DNAH9: variants seen among roughly 807,000 people sequenced by gnomAD.
DNAH9 encodes the protein DNAH9 variant protein.
DNAH9 carries 345 observed loss-of-function variants against 471.6 expected under a neutral mutation model. The ratio of observed to expected loss-of-function variants is 0.73; its 90% confidence interval spans 0.67 to 0.80. The LOEUF (loss-of-function observed/expected upper bound fraction) is 0.80. Among genes scored for constraint, DNAH9 ranks in the 30% least tolerant of loss-of-function variants. The pLI is 0.00. For synonymous variants in DNAH9, 2,093 were observed against 2,123.6 expected (o/e 0.99, Z 0.40); for missense variants, 5,407 against 5,609.2 (o/e 0.96, Z 1.15).
intron 41 of DNAH9, among the ~76,000 whole-genome samples, chr17:11,787,118 T>C (rs1968902098): frequency 2.6e-5 from 4 of 152,166 alleles, no homozygotes; most frequent in Admixed American, 6.5e-5. Flanking sequence ...CGAATCCGAA[T>C]TGGGTAGCCC....
chr17:11,700,692 T>G (rs1567731029), intron 23 of DNAH9, among the ~76,000 whole-genome samples: 1 of 152,168 alleles, frequency 6.6e-6, no homozygotes, highest in African/African-American at 2.4e-5. Flanking sequence ...CCCTGGGGTT[T>G]CATTCACAAT....
chr17:11,802,087 G>A (rs1205249678), intron 43 of DNAH9, among the ~76,000 whole-genome samples: 1 of 152,184 alleles, frequency 6.6e-6, no homozygotes, highest in Non-Finnish European at 1.5e-5. Context: ...CCATACATTT[G>A]TTTAAAGACA....
At chr17:11,921,773 C>T (rs577478866) in intron 61 of DNAH9, among the ~76,000 whole-genome samples, 1 of 152,230 alleles carries the variant, frequency 6.6e-6, no homozygotes, top group East Asian at 1.9e-4. Context: ...CTTTCTTCTC[C>T]GCCTCATTGT....
Position 11,817,813 on chromosome 17 carries a change from CAAAG to C in DNAH9, c.8708-4104_8708-4101del, listed in dbSNP as rs893460806. ...TTTATATGCATGTCATTAACTATCT[CAAAG>C]AATAGAAATTAAATAAGTTGGTACA... On this transcript the variant is annotated intron_variant, in intron 45 of 68. Coordinates refer to ENST00000262442, the MANE Select transcript of DNAH9 (RefSeq NM_001372.4). 5.3e-4 allele frequency among the ~76,000 whole-genome samples: 80 copies of C among 152,182 alleles called. 1 individual carries two copies. The highest frequency in any genetic ancestry group is 1.9e-3 in the African/African-American group (77 of 41,518).
intron 8 of DNAH9, among the ~76,000 whole-genome samples, chr17:11,633,549 C>T (rs534048699): frequency 1.3e-5 from 2 of 152,348 alleles, no homozygotes; most frequent in South Asian, 4.1e-4. Flanking sequence ...CGGCAGGCTC[C>T]ATTAGCCATT....
At chr17:11,745,823 A>G (rs988992301) in intron 31 of DNAH9, among the ~76,000 whole-genome samples, 1 of 152,216 alleles carries the variant, frequency 6.6e-6, no homozygotes, top group African/African-American at 2.4e-5. Context: ...AGATAAAGGC[A>G]ACATCCCAGG....
intron 31 of DNAH9, 89 bp downstream of exon 31, chr17:11,745,173 T>G: frequency 1.8e-6 from 2 of 1,114,834 alleles, no homozygotes; most frequent in Non-Finnish European, 2.6e-6. Flanking sequence ...TCCAAAGGGT[T>G]GTTTTAGATG....
chr17:11,776,711 G>T lies in DNAH9; in HGVS notation c.7553-4298G>T, dbSNP rs141856024. The stretch of plus-strand genomic sequence containing the variant: ...ATTTTCATAATAGAACGCCAACTCT[G>T]CTTCCACTCATCTGATATCTAGAGC... On this transcript the variant is annotated intron_variant, in intron 38 of 68. Coordinates refer to ENST00000262442, the MANE Select transcript of DNAH9 (RefSeq NM_001372.4). 1.2e-4 allele frequency among the ~76,000 whole-genome samples: 18 copies of T among 152,310 alleles called. No individual in the cohort carries two copies. In the East Asian group the frequency reaches 3.5e-3, roughly 29 times the overall value.
At chr17:11,929,834 G>T (rs1276889205) in intron 62 of DNAH9, 32 bp from the exon 63 acceptor site, 1 of 1,583,346 alleles carries the variant, frequency 6.3e-7, no homozygotes, top group Non-Finnish European at 8.6e-7. Context: ...GCAGATGCCT[G>T]TATTGAGGGG....
At position 11,891,899 on chromosome 17, in the gene DNAH9, G is replaced by C; in HGVS notation, c.11235G>C (p.Gly3745=). The change falls in exon 58 of 69, where the codon GGG becomes GGC. Residue 3745 remains glycine (G), a synonymous_variant. Coordinates refer to ENST00000262442, the MANE Select transcript of DNAH9 (RefSeq NM_001372.4). Reference sequence around the variant, plus strand: ...CTGTGTACCAGTACACCATCCGCGGGCTCTTTGAGTGTGATAAGCTGACCT... The same window carrying C: ...CTGTGTACCAGTACACCATCCGCGGCCTCTTTGAGTGTGATAAGCTGACCT... The part of the protein sequence containing the change: ...TFSVYQYTIR[G]LFECDKLTYL... The C allele has an allele frequency of 2.5e-6, 4 of 1,614,076 alleles. No individual in the cohort carries two copies. The highest frequency in any genetic ancestry group is 3.4e-6 in the Non-Finnish European group (4 of 1,180,000).
chr17:11,723,524 C>T (rs2075098301), intron 27 of DNAH9: 1 of 151,692 alleles, frequency 6.6e-6, no homozygotes, highest in Non-Finnish European at 1.5e-5. Flanking sequence ...AGCCACAGGC[C>T]CTGGGGTGGG....
intron 55 of DNAH9, 74 bp downstream of exon 55, chr17:11,881,487 G>T (rs989803198): frequency 4.1e-6 from 6 of 1,468,718 alleles, no homozygotes; most frequent in African/African-American, 1.4e-5. Flanking sequence ...GGTTGCAGAG[G>T]GGGGCTGTTT....
rs536742810 is a variant in DNAH9, at chr17:11,866,682, GC to G, written c.9934-2451del. On this transcript the variant is annotated intron_variant, in intron 50 of 68. Coordinates refer to ENST00000262442, the MANE Select transcript of DNAH9 (RefSeq NM_001372.4). Reference sequence around the variant, plus strand: ...CTGTGGTGGGCTCCACCCAGTTGGAGCTTTCCAGCTGCTTTGTTTACCTAAG... The same window carrying G: ...CTGTGGTGGGCTCCACCCAGTTGGAGTTTCCAGCTGCTTTGTTTACCTAAG... 4.3e-4 allele frequency among the ~76,000 whole-genome samples: 66 copies of G among 152,364 alleles called. 1 individual carries two copies. The East Asian group carries it at 0.011, about 26-fold the overall frequency.
intron 26 of DNAH9, among the ~76,000 whole-genome samples, chr17:11,712,308 A>C (rs781047217): frequency 2.0e-5 from 3 of 151,320 alleles, no homozygotes; most frequent in Non-Finnish European, 2.9e-5. Context: ...TTATAGATAT[A>C]CCACATGCTC....
chr17:11,771,101 CTTAATT>C (rs1273505618), intron 38 of DNAH9, among the ~76,000 whole-genome samples: 3 of 152,058 alleles, frequency 2.0e-5, no homozygotes, highest in African/African-American at 7.2e-5. Flanking sequence ...ATATAATTTA[CTTAATT>C]TTAAGTTTAT....
chr17:11,707,271 G>A (rs1481873539), intron 26 of DNAH9, among the ~76,000 whole-genome samples: 1 of 152,216 alleles, frequency 6.6e-6, no homozygotes, highest in East Asian at 1.9e-4. Context: ...GAAATTGTGA[G>A]TTACAGTTAA....
In DNAH9 at chr17:11,669,770, A is replaced by C; in HGVS notation, c.3329A>C (p.His1110Pro). The C allele has an allele frequency of 3.7e-6, 6 of 1,614,090 alleles. No homozygotes were observed. The highest frequency in any genetic ancestry group is 5.1e-6 in the Non-Finnish European group (6 of 1,179,990). Residue 1110 changes from histidine to proline, a missense_variant, in exon 17 of 69, where the codon CAT (histidine) becomes CCT (proline). His to Pro is a moderately conservative substitution (Grantham distance 77). This residue lies in a region of DNAH9 where 4,636 missense variants were observed against 4,900.3 expected (regional missense o/e 0.95). Coordinates refer to ENST00000262442, the MANE Select transcript of DNAH9 (RefSeq NM_001372.4). ...IKRWSLLFKQHLVDHVTHSLA... is the reference protein window; with the variant it reads ...IKRWSLLFKQPLVDHVTHSLA... ...AGGTGGAGCCTCCTGTTCAAACAGC[A>C]TCTTGTGGACCACGTCACTCACAGG...
In DNAH9 at chr17:11,963,656, GA is replaced by G. The variant is rs753851635; in HGVS notation, c.13233+1403del. On this transcript the variant is annotated intron_variant, in intron 68 of 68. Coordinates refer to ENST00000262442, the MANE Select transcript of DNAH9 (RefSeq NM_001372.4). The stretch of plus-strand genomic sequence containing the variant: ...TATGTATCCCCTGTATCTAAGAGTT[GA>G]AATTTTTTTTAAAAAAAAGAAACTA... Among the ~76,000 whole-genome samples, 70 of 146,222 alleles carry G rather than the reference GA, an allele frequency of 4.8e-4. 1 individual carries two copies. Among genetic ancestry groups the G allele is most frequent in the African/African-American group, 1.6e-3 (65 of 40,140 alleles).
intron 38 of DNAH9, among the ~76,000 whole-genome samples, chr17:11,773,751 A>G (rs1366544229): frequency 6.6e-6 from 1 of 152,218 alleles, no homozygotes; most frequent in Non-Finnish European, 1.5e-5. Flanking sequence ...ACAGAAAACA[A>G]TATAACAGAT....
Sources: gnomAD v4.1 joint callset for allele counts (sites outside exome capture counted in the v4.1 genomes callset) on GRCh38, gnomAD v4.1.1 for gene constraint, gnomAD v4.1.1 regional missense constraint, MANE v1.5 for transcripts, NCBI Gene and HGNC (gene_info 2026-07-23, HGNC 2026-07-21) for gene names.